The following FAM53C variants were observed in gnomAD, a reference collection of about 807,000 sequenced individuals.
FAM53C encodes family with sequence similarity 53 member C, also known as protein FAM53C.
FAM53C carries 10 observed loss-of-function variants against 34.7 expected under a neutral mutation model. That is an observed-to-expected ratio of 0.29 (90% CI 0.18 to 0.49). The LOEUF (loss-of-function observed/expected upper bound fraction) is 0.49, where lower values mean the gene tolerates loss of function less well. Ranked by LOEUF, FAM53C falls within the 20% of genes least tolerant of loss-of-function variation. FAM53C has a pLI of 0.99. For synonymous variants in FAM53C, 203 were observed against 203.6 expected (o/e 1.00, Z 0.03); for missense variants, 442 against 515.3 (o/e 0.86, Z 1.38).
In FAM53C at chr5:138,349,526, C is replaced by CA. The variant is rs1288614311; in HGVS notation, c.*2568dup. 6.6e-6 allele frequency: 1 copy of CA among 152,648 alleles called. No individual in the cohort carries two copies. Among genetic ancestry groups the CA allele is most frequent in the Admixed American group, 6.5e-5 (1 of 15,276 alleles). 9.5% of individuals were successfully genotyped at this position (152,648 alleles called of 1,614,324 possible). ...GCCCAGTGACTGCCCAGTGGCAGCT[C>CA]AGCTGCCCTTCACTCCCACCTGCTG... On this transcript the variant is annotated 3_prime_UTR_variant, in exon 5 of 5. Coordinates refer to ENST00000239906, the MANE Select transcript of FAM53C (RefSeq NM_016605.3).
At position 138,345,526 on chromosome 5, in the gene FAM53C, G is replaced by T; in HGVS notation, c.838G>T (p.Ala280Ser). ...RSRSQPCDLD[A>S]RKTGVKRRHE... ...CCGCTCACAGCCTTGTGATCTGGAT[G>T]CCCGCAAAACTGGGGTCAAGCGGCG... Residue 280 changes from alanine to serine, a missense_variant, in exon 4 of 5, where the codon GCC becomes TCC. By Grantham distance (99) the Ala-to-Ser change is moderately conservative. Coordinates refer to ENST00000239906, the MANE Select transcript of FAM53C (RefSeq NM_016605.3). The surrounding 1 kb of genome is among the most constrained non-coding windows in gnomAD (Gnocchi z 6.3). The T allele has an allele frequency of 6.2e-7, 1 of 1,614,078 alleles. No individual in the cohort carries two copies. The highest frequency in any genetic ancestry group is 8.5e-7 in the Non-Finnish European group (1 of 1,180,040).
chr5:138,341,896 T>C, intron 3 of FAM53C, 30 bp downstream of exon 3: 1 of 1,605,914 alleles, frequency 6.2e-7, no homozygotes, highest in Non-Finnish European at 8.5e-7. Context: ...TGTGTACGTG[T>C]GTGTACCCAT....
chr5:138,345,679 G>A lies in FAM53C; in HGVS notation c.921+70G>A, dbSNP rs1761154935. On this transcript the variant is annotated intron_variant, in intron 4 of 4. Transcript: ENST00000239906. This position sits in a 1 kb window ranked among gnomAD's most constrained non-coding sequence, Gnocchi z 6.3. The stretch of plus-strand genomic sequence containing the variant: ...CTGTTCTGTTTCCACTTTTGAGCTA[G>A]CCCCTAGCTTCATTACCCTGCCGCC... The A allele has an allele frequency of 1.3e-6, 2 of 1,528,000 alleles. No homozygotes were observed. The highest frequency in any genetic ancestry group is 1.8e-6 in the Non-Finnish European group (2 of 1,131,236). 94.7% of individuals were successfully genotyped at this position (1,528,000 alleles called of 1,614,324 possible).
In FAM53C at chr5:138,348,063, A is replaced by G. The variant is rs538469298; in HGVS notation, c.*1104A>G. ...TGACTGCAGGAAACCAATTCTTACAAGATCCAGGCCCAGCCTTTTTGACCT... is the reference window on the plus strand; with the variant it reads ...TGACTGCAGGAAACCAATTCTTACAGGATCCAGGCCCAGCCTTTTTGACCT... On this transcript the variant is annotated 3_prime_UTR_variant, in exon 5 of 5. Transcript: ENST00000239906. 1.3e-5 allele frequency: 2 copies of G among 152,794 alleles called. No individual in the cohort carries two copies. Among genetic ancestry groups the G allele is most frequent in the South Asian group, 2.1e-4 (1 of 4,826 alleles). The allele number at this position is 152,794 out of a possible 1,614,324, so 9.5% of individuals were successfully genotyped here. A position where few individuals can be genotyped will look rare whatever the true frequency, so the allele number is the denominator to read the frequency against.
Position 138,345,904 on chromosome 5 carries a change from C to T in FAM53C, c.921+295C>T, listed in dbSNP as rs1295024884. On this transcript the variant is annotated intron_variant, in intron 4 of 4. Coordinates refer to ENST00000239906, the MANE Select transcript of FAM53C (RefSeq NM_016605.3). This position sits in a 1 kb window ranked among gnomAD's most constrained non-coding sequence, Gnocchi z 6.3. ...AAATTGTCCTGCAAGAGGTACTTTC[C>T]CTCCTTTCCAAGAATGCACAAGCTG... 6.6e-6 allele frequency among the ~76,000 whole-genome samples: 1 copy of T among 152,208 alleles called. No individual in the cohort carries two copies. Among genetic ancestry groups the T allele is most frequent in the African/African-American group, 2.4e-5 (1 of 41,444 alleles).
At chr5:138,338,099 A>G (rs762452115), upstream of FAM53C, 8 of 1,289,764 alleles carry the variant, frequency 6.2e-6, no homozygotes, top group South Asian at 9.9e-5. Flanking sequence ...CTCGTTCCCA[A>G]CAGCGCTGTC....
intron 4 of FAM53C, 94 bp from the exon 5 acceptor site, chr5:138,346,608 A>C (rs1424039275): frequency 6.8e-7 from 1 of 1,478,848 alleles, no homozygotes; most frequent in Non-Finnish European, 9.2e-7. Context: ...AGGGTGACAG[A>C]GTGAGACTCC....
In FAM53C at chr5:138,344,852, A is replaced by C. The variant is rs1331248280; in HGVS notation, c.164A>C (p.His55Pro). Residue 55 changes from histidine to proline, a missense_variant, in exon 4 of 5, where the codon CAC becomes CCC. By Grantham distance (77) the His-to-Pro change is moderately conservative (BLOSUM62 -2). Coordinates refer to ENST00000239906, the MANE Select transcript of FAM53C (RefSeq NM_016605.3). The part of the protein sequence containing the change: ...SEGASWRGLP[H>P]CSCAEFQDSL... ...GGTGCTTCCTGGAGGGGCCTGCCCC[A>C]CTGTTCCTGTGCTGAGTTCCAGGAC... The C allele has an allele frequency of 6.3e-7, 1 of 1,580,150 alleles. No homozygotes were observed. The highest frequency in any genetic ancestry group is 8.6e-7 in the Non-Finnish European group (1 of 1,162,434).
At chr5:138,338,921 C>G (rs949043030) in intron 1 of FAM53C, among the ~76,000 whole-genome samples, 3 of 152,208 alleles carry the variant, frequency 2.0e-5, no homozygotes, top group African/African-American at 7.2e-5. Context: ...CTGATCCTAC[C>G]TTGTCTTGGT....
rs1251806540 is a variant in FAM53C at position 138,349,226 on chromosome 5, G to A, written c.*2267G>A. ...TCCAACAGTTCTGTGTAAACCAAAT[G>A]CTATTTTTCAATGCATTTGGACTGC... is the stretch of plus-strand genomic sequence containing the variant. On this transcript the variant is annotated 3_prime_UTR_variant, in exon 5 of 5. Transcript: ENST00000239906. 1 of 152,672 alleles carries A rather than the reference G, an allele frequency of 6.5e-6. No individual in the cohort carries two copies. Among genetic ancestry groups the A allele is most frequent in the Non-Finnish European group, 1.5e-5 (1 of 68,046 alleles). The allele number at this position is 152,672 out of a possible 1,614,324, so 9.5% of individuals were successfully genotyped here.
At position 138,345,673 on chromosome 5, in the gene FAM53C, G is replaced by T. The variant is rs1046562901; in HGVS notation, c.921+64G>T. 3.2e-6 allele frequency: 5 copies of T among 1,539,440 alleles called. No individual in the cohort carries two copies. The highest frequency in any genetic ancestry group is 4.4e-6 in the Non-Finnish European group (5 of 1,138,130). On this transcript the variant is annotated intron_variant, in intron 4 of 4. Transcript: ENST00000239906. The surrounding 1 kb of genome is among the most constrained non-coding windows in gnomAD (Gnocchi z 6.3). Reference sequence around the variant, plus strand: ...TGGGGACTGTTCTGTTTCCACTTTTGAGCTAGCCCCTAGCTTCATTACCCT... The same window carrying T: ...TGGGGACTGTTCTGTTTCCACTTTTTAGCTAGCCCCTAGCTTCATTACCCT...
chr5:138,349,189 CAGT>C lies in FAM53C; in HGVS notation c.*2233_*2235del, dbSNP rs1761258107. Reference sequence around the variant, plus strand: ...AAGAATTGGTTCATTTTGCTTTACACAGTAGATCTGTTCCAACAGTTCTGTGTA... The same window carrying C: ...AAGAATTGGTTCATTTTGCTTTACACAGATCTGTTCCAACAGTTCTGTGTA... On this transcript the variant is annotated 3_prime_UTR_variant, in exon 5 of 5. Transcript: ENST00000239906. 1 of 152,690 alleles carries C rather than the reference CAGT, an allele frequency of 6.5e-6. No homozygotes were observed. Among genetic ancestry groups the C allele is most frequent in the South Asian group, 2.1e-4 (1 of 4,834 alleles). The allele number at this position is 152,690 out of a possible 1,614,324, so 9.5% of individuals were successfully genotyped here.
At chr5:138,340,197 C>G (rs1465445069) in intron 1 of FAM53C, among the ~76,000 whole-genome samples, 1 of 152,176 alleles carries the variant, frequency 6.6e-6, no homozygotes, top group African/African-American at 2.4e-5. Context: ...ATTCTGCCCA[C>G]TTTACATATG....
In FAM53C at chr5:138,349,190, A is replaced by T. The variant is rs1372663435; in HGVS notation, c.*2231A>T. 1 of 152,676 alleles carries T rather than the reference A, an allele frequency of 6.5e-6. No individual in the cohort carries two copies. The highest frequency in any genetic ancestry group is 6.5e-5 in the Admixed American group (1 of 15,292). 9.5% of individuals were successfully genotyped at this position (152,676 alleles called of 1,614,324 possible). ...AGAATTGGTTCATTTTGCTTTACACAGTAGATCTGTTCCAACAGTTCTGTG... is the reference window on the plus strand; with the variant it reads ...AGAATTGGTTCATTTTGCTTTACACTGTAGATCTGTTCCAACAGTTCTGTG... On this transcript the variant is annotated 3_prime_UTR_variant, in exon 5 of 5. Transcript: ENST00000239906.
intron 4 of FAM53C, among the ~76,000 whole-genome samples, chr5:138,346,128 A>G (rs1167136906): frequency 2.0e-5 from 3 of 152,124 alleles, no homozygotes; most frequent in African/African-American, 7.2e-5. Context: ...TTTTCATATT[A>G]TTCTTTCTAG....
chr5:138,337,898 G>A (rs1760826050), upstream of FAM53C: 1 of 1,205,998 alleles, frequency 8.3e-7, no homozygotes. Context: ...CGAACCGAGT[G>A]GGAGGCTGCA....
rs373368787 is a variant in FAM53C, at chr5:138,338,289, G to A, written c.-171G>A. The A allele has an allele frequency of 2.0e-4, 151 of 752,058 alleles. 1 individual carries two copies. In the East Asian group the frequency reaches 4.8e-3, roughly 24 times the overall value. 46.6% of individuals were successfully genotyped at this position (752,058 alleles called of 1,614,324 possible). ...TCAGAGCTGCTCCGGCCGCGGCCCTGGGAGCTGGAGGAACCGCGGTAGGTG... is the reference window on the plus strand; with the variant it reads ...TCAGAGCTGCTCCGGCCGCGGCCCTAGGAGCTGGAGGAACCGCGGTAGGTG... On this transcript the variant is annotated 5_prime_UTR_variant, in exon 1 of 5. Coordinates refer to ENST00000239906, the MANE Select transcript of FAM53C (RefSeq NM_016605.3).
At position 138,345,902 on chromosome 5, in the gene FAM53C, T is replaced by C. The variant is rs1018126445; in HGVS notation, c.921+293T>C. 6.6e-6 allele frequency among the ~76,000 whole-genome samples: 1 copy of C among 152,190 alleles called. No homozygotes were observed. The highest frequency in any genetic ancestry group is 6.5e-5 in the Admixed American group (1 of 15,280). On this transcript the variant is annotated intron_variant, in intron 4 of 4. Transcript: ENST00000239906. This position sits in a 1 kb window ranked among gnomAD's most constrained non-coding sequence, Gnocchi z 6.3. ...CCAAATTGTCCTGCAAGAGGTACTTTCCCTCCTTTCCAAGAATGCACAAGC... is the reference window on the plus strand; with the variant it reads ...CCAAATTGTCCTGCAAGAGGTACTTCCCCTCCTTTCCAAGAATGCACAAGC...
At chr5:138,338,088 GC>G, upstream of FAM53C, 1 of 1,289,780 alleles carries the variant, frequency 7.8e-7, no homozygotes, top group Non-Finnish European at 1.0e-6. Context: ...AAAGCGCCAG[GC>G]TCGTTCCCAA....
Sources: allele counts gnomAD v4.1 joint callset (sites outside exome capture counted in the v4.1 genomes callset), GRCh38; gene constraint gnomAD v4.1.1; non-coding constraint Gnocchi (gnomAD v3.1); transcripts MANE v1.5; gene names NCBI Gene and HGNC (gene_info 2026-07-23, HGNC 2026-07-21).